The following HMCN1 variants were observed in gnomAD, a reference collection of about 807,000 sequenced individuals.
HMCN1 encodes the protein hemicentin 1.
Under a neutral mutation model 625.9 loss-of-function variants are expected in HMCN1, and 321 were observed. The ratio of observed to expected loss-of-function variants is 0.51; its 90% CI spans 0.47 to 0.56. The LOEUF (loss-of-function observed/expected upper bound fraction) is 0.56. HMCN1 is among the 20% of genes least tolerant of loss of function. The pLI, the probability that HMCN1 is intolerant of heterozygous loss-of-function variation, is 0.00. For synonymous variants in HMCN1, 2,425 were observed against 2,417.6 expected (o/e 1.00, Z -0.09); for missense variants, 6,588 against 6,887.3 (o/e 0.96, Z 1.54).
intron 1 of HMCN1, among the ~76,000 whole-genome samples, chr1:185,829,112 C>T (rs1047959906): frequency 6.6e-6 from 1 of 151,884 alleles, no homozygotes; most frequent in African/African-American, 2.4e-5. Flanking sequence ...AAAATTTAGT[C>T]ATAAAAGATT....
chr1:185,956,215 C>T (rs1445718575), intron 11 of HMCN1, among the ~76,000 whole-genome samples: 1 of 151,956 alleles, frequency 6.6e-6, no homozygotes, highest in African/African-American at 2.4e-5. Context: ...TTCCCTCATA[C>T]ACCAAGCAGT....
In HMCN1 at chr1:186,130,049, G is replaced by A. The variant is rs201836712; in HGVS notation, c.12988G>A (p.Ala4330Thr). ...KEDSGTYVCT[A>T]ENSVGFVKAI... is the part of the protein sequence containing the mutation. Reference sequence around the variant, plus strand: ...GGATTCAGGTACTTATGTGTGCACCGCAGAGAACAGCGTTGGCTTTGTGAA... The same window carrying A: ...GGATTCAGGTACTTATGTGTGCACCACAGAGAACAGCGTTGGCTTTGTGAA... The change falls in exon 84 of 107, where the codon GCA (alanine) becomes ACA (threonine). Residue 4330 changes from alanine (A) to threonine (T), a missense_variant. By Grantham distance (58) the Ala-to-Thr change is moderately conservative. Transcript: ENST00000271588. 1.3e-4 allele frequency: 209 copies of A among 1,613,126 alleles called. No individual in the cohort carries two copies. The highest frequency in any genetic ancestry group is 1.7e-4 in the Non-Finnish European group (198 of 1,179,426).
At chr1:186,081,741 T>C (rs1437328611) in intron 56 of HMCN1, among the ~76,000 whole-genome samples, 2 of 152,130 alleles carry the variant, frequency 1.3e-5, no homozygotes, top group Non-Finnish European at 2.9e-5. Flanking sequence ...TGGTAGGAAG[T>C]TCCCTATATA....
intron 11 of HMCN1, among the ~76,000 whole-genome samples, chr1:185,949,542 G>A (rs542647610): frequency 0.013 from 1,917 of 151,962 alleles, 29 homozygotes; most frequent in Middle Eastern, 0.041. Context: ...GAAGACGGAG[G>A]ACCGTAAGGG....
At position 185,877,856 on chromosome 1, in the gene HMCN1, G is replaced by C. The variant is rs553659416; in HGVS notation, c.621+11993G>C. 1.5e-4 allele frequency among the ~76,000 whole-genome samples: 23 copies of C among 152,034 alleles called. 1 individual carries two copies. Among genetic ancestry groups the C allele is most frequent in the African/African-American group, 5.3e-4 (22 of 41,494 alleles). On this transcript the variant is annotated intron_variant, in intron 4 of 106. Coordinates refer to ENST00000271588, the MANE Select transcript of HMCN1 (RefSeq NM_031935.3). ...CACCTAGGTACTAAACATAGTATCT[G>C]ATAGTTTTTTTTCCTAATCCTCTCC...
chr1:186,161,962 G>T (rs1461887238), intron 97 of HMCN1, among the ~76,000 whole-genome samples: 3 of 152,026 alleles, frequency 2.0e-5, no homozygotes, highest in Non-Finnish European at 4.4e-5. Flanking sequence ...CTGAACGTTG[G>T]CCTGCCTTGC....
chr1:186,046,060 T>G (rs552202169), intron 41 of HMCN1, among the ~76,000 whole-genome samples, 197 bp downstream of exon 41: 2 of 152,272 alleles, frequency 1.3e-5, no homozygotes, highest in South Asian at 4.1e-4. Flanking sequence ...TTGTCATCCA[T>G]ATCCAGAAAT....
At chr1:186,071,881 C>T (rs1658500506) in intron 52 of HMCN1, among the ~76,000 whole-genome samples, 1 of 152,140 alleles carries the variant, frequency 6.6e-6, no homozygotes, top group African/African-American at 2.4e-5. Flanking sequence ...ATATTTTAAT[C>T]TTTTCTAAAG....
At chr1:186,134,009 G>A (rs1649409214) in intron 86 of HMCN1, among the ~76,000 whole-genome samples, 1 of 151,976 alleles carries the variant, frequency 6.6e-6, no homozygotes, top group Non-Finnish European at 1.5e-5. Flanking sequence ...AGTGAACGTA[G>A]GTAGAACACT....
chr1:185,906,546 C>G (rs1209424443), intron 4 of HMCN1, among the ~76,000 whole-genome samples: 4 of 151,848 alleles, frequency 2.6e-5, no homozygotes, highest in Non-Finnish European at 5.9e-5. Flanking sequence ...GTGTAACTAA[C>G]AGACAACAAG....
Position 186,166,248 on chromosome 1 carries a change from C to T in HMCN1, c.15384C>T (p.Tyr5128=). ...SHSCHNAMGT[Y]YCSCPKGLTI... is the part of the protein sequence containing the mutation. ...GCTGCCACAATGCCATGGGGACTTA[C>T]TACTGCTCCTGCCCTAAAGGCCTCA... The change falls in exon 99 of 107, where the codon TAC becomes TAT. Residue 5128 remains tyrosine (Y), a synonymous_variant. Transcript: ENST00000271588. 2 of 1,614,128 alleles carry T rather than the reference C, an allele frequency of 1.2e-6. No homozygotes were observed. The highest frequency in any genetic ancestry group is 1.7e-5 in the Admixed American group (1 of 60,016).
intron 1 of HMCN1, among the ~76,000 whole-genome samples, chr1:185,807,874 A>T (rs1417027989): frequency 6.6e-6 from 1 of 152,190 alleles, no homozygotes; most frequent in African/African-American, 2.4e-5. Context: ...GAAAACTACT[A>T]TGTTGAGAAA....
chr1:186,148,366 T>C (rs1558260081), intron 93 of HMCN1, among the ~76,000 whole-genome samples: 1 of 152,212 alleles, frequency 6.6e-6, no homozygotes, highest in Non-Finnish European at 1.5e-5. Flanking sequence ...CAATATCCTG[T>C]TAATATTGAT....
intron 2 of HMCN1, among the ~76,000 whole-genome samples, chr1:185,858,271 T>C (rs1426095226): frequency 2.6e-5 from 4 of 152,214 alleles, no homozygotes; most frequent in Non-Finnish European, 5.9e-5. Context: ...CCGAGAAAAG[T>C]ACTGATTAAA....
At chr1:186,136,605 A>AC in intron 86 of HMCN1, 63 bp from the exon 87 acceptor site, 1 of 1,477,994 alleles carries the variant, frequency 6.8e-7, no homozygotes, top group Non-Finnish European at 9.5e-7. Context: ...GCCATATAAT[A>AC]CATGATAAAA....
chr1:186,101,520 G>T (rs972531025), intron 68 of HMCN1, among the ~76,000 whole-genome samples: 1 of 152,080 alleles, frequency 6.6e-6, no homozygotes, highest in African/African-American at 2.4e-5. Flanking sequence ...GAGAGTCTAG[G>T]CTGGAAATAT....
At chr1:186,141,360 G>A (rs192543633) in intron 89 of HMCN1, among the ~76,000 whole-genome samples, 2 of 152,038 alleles carry the variant, frequency 1.3e-5, no homozygotes, top group Admixed American at 1.3e-4. Context: ...AGTGGAGGCA[G>A]GCTTGTCTGG....
At chr1:185,795,073 A>G (rs571851330) in intron 1 of HMCN1, among the ~76,000 whole-genome samples, 1 of 152,352 alleles carries the variant, frequency 6.6e-6, no homozygotes, top group African/African-American at 2.4e-5. Flanking sequence ...TGCATTAAGA[A>G]GAAGTAAGAG....
At chr1:186,076,094 A>G (rs1224554654) in intron 53 of HMCN1, among the ~76,000 whole-genome samples, 1 of 152,118 alleles carries the variant, frequency 6.6e-6, no homozygotes, top group Non-Finnish European at 1.5e-5. Context: ...GGTTTCTCAA[A>G]ATTAGTCTTT....
Sources: allele counts gnomAD v4.1 joint callset (sites outside exome capture counted in the v4.1 genomes callset), GRCh38; gene constraint gnomAD v4.1.1; transcripts MANE v1.5; gene names NCBI Gene and HGNC (gene_info 2026-07-23, HGNC 2026-07-21).